The following DNAJA1 variants were observed in gnomAD, a reference collection of about 807,000 sequenced individuals.
DNAJA1 encodes the protein dnaJ homolog subfamily A member 1.
In DNAJA1, 26 loss-of-function variants were observed where a neutral mutation model predicts 47.6. That is an observed-to-expected ratio of 0.55 (90% CI 0.40 to 0.76). The LOEUF is 0.76. Ranked by LOEUF, DNAJA1 falls within the 30% of genes least tolerant of loss-of-function variation. The pLI, the probability that DNAJA1 is intolerant of heterozygous loss-of-function variation, is 0.00. For missense variants in DNAJA1, 315 were observed against 485.0 expected (o/e 0.65, Z 3.29); for synonymous variants, 165 against 158.4 (o/e 1.04, Z -0.31).
At chr9:33,031,645 G>A (rs1187256262) in intron 5 of DNAJA1, among the ~76,000 whole-genome samples, 1 of 151,912 alleles carries the variant, frequency 6.6e-6, no homozygotes, top group Non-Finnish European at 1.5e-5. Context: ...ATGTTAGGCT[G>A]GTCTCAAACT....
intron 3 of DNAJA1, among the ~76,000 whole-genome samples, chr9:33,027,356 T>C (rs933387589): frequency 1.9e-4 from 29 of 151,946 alleles, no homozygotes; most frequent in African/African-American, 5.8e-4. Flanking sequence ...GGTTTCACCA[T>C]GTTGGTCACG....
chr9:33,028,428 A>G (rs1406534954), intron 3 of DNAJA1, among the ~76,000 whole-genome samples: 1 of 152,252 alleles, frequency 6.6e-6, no homozygotes, highest in Non-Finnish European at 1.5e-5. Flanking sequence ...GAGCAGAACC[A>G]GTTTTAGAAT....
At chr9:33,035,305 T>C (rs1309124633) in intron 6 of DNAJA1, among the ~76,000 whole-genome samples, 1 of 151,722 alleles carries the variant, frequency 6.6e-6, no homozygotes, top group African/African-American at 2.4e-5. Context: ...GAGGTCGCGG[T>C]GAGTTGAGAT....
At chr9:33,030,356 G>C in intron 4 of DNAJA1, 84 bp from the exon 5 acceptor site, 1 of 1,297,456 alleles carries the variant, frequency 7.7e-7, no homozygotes, top group South Asian at 1.4e-5. Flanking sequence ...TAAAAGTATA[G>C]CATTTAGGAA....
intron 6 of DNAJA1, among the ~76,000 whole-genome samples, chr9:33,035,478 A>AT (rs1003318471): frequency 7.4e-4 from 112 of 151,904 alleles, no homozygotes; most frequent in East Asian, 2.9e-3. Flanking sequence ...TTATTTATTT[A>AT]TTTTTTTTGA....
chr9:33,025,910 G>A (rs1336763538), intron 1 of DNAJA1, among the ~76,000 whole-genome samples: 1 of 152,330 alleles, frequency 6.6e-6, no homozygotes, highest in African/African-American at 2.4e-5. Flanking sequence ...CCAAGTGCAA[G>A]GGGAAACCTG....
intron 8 of DNAJA1, 100 bp downstream of exon 8, chr9:33,037,215 T>A: frequency 1.1e-6 from 1 of 931,812 alleles, no homozygotes; most frequent in Non-Finnish European, 1.6e-6. Context: ...CTCATGCCTG[T>A]AATCCCCGCA....
intron 5 of DNAJA1, among the ~76,000 whole-genome samples, chr9:33,031,558 GGTAGCTGGGACTACAGGT>G (rs1317509329): frequency 6.6e-6 from 1 of 151,730 alleles, no homozygotes; most frequent in Non-Finnish European, 1.5e-5. Context: ...CAGCTTCCCA[GGTAGCTGGGACTACAGGT>G]GTGCACCACC....
intron 5 of DNAJA1, among the ~76,000 whole-genome samples, chr9:33,031,378 T>A (rs1035214204): frequency 4.6e-5 from 7 of 152,312 alleles, no homozygotes; most frequent in African/African-American, 1.7e-4. Flanking sequence ...ATTACAGGCA[T>A]GAGCTACCGC....
chr9:33,026,398 AT>A (rs1194733275), intron 1 of DNAJA1, 76 bp from the exon 2 acceptor site: 2 of 1,499,040 alleles, frequency 1.3e-6, no homozygotes, highest in Non-Finnish European at 1.8e-6. Flanking sequence ...TTGCAAAGAG[AT>A]TGCTCGGCCT....
At chr9:33,027,013 G>A in intron 3 of DNAJA1, 23 bp downstream of exon 3, 1 of 1,613,370 alleles carries the variant, frequency 6.2e-7, no homozygotes, top group Non-Finnish European at 8.5e-7. Context: ...TAGTCTTTGT[G>A]CAGCTAACTA....
intron 6 of DNAJA1, among the ~76,000 whole-genome samples, chr9:33,035,349 C>T (rs537537430): frequency 6.6e-6 from 1 of 151,708 alleles, no homozygotes; most frequent in South Asian, 2.1e-4. Flanking sequence ...GCAAAAAGAG[C>T]AAAACTTGGT....
chr9:33,032,317 T>TAC (rs1343148564), intron 5 of DNAJA1, among the ~76,000 whole-genome samples: 1 of 152,252 alleles, frequency 6.6e-6, no homozygotes, highest in African/African-American at 2.4e-5. Context: ...AATCTGTGTT[T>TAC]ACCCCTTAGT....
Position 33,034,325 on chromosome 9 carries a change from T to C in DNAJA1, c.753T>C (p.Phe251=). ...IVLDQKDHAV[F]TRRGEDLFMC... ...TAGATCAGAAGGACCATGCTGTTTT[T>C]ACTCGGTAAAGACTTTTATCAACCA... Residue 251 remains phenylalanine, a synonymous_variant, in exon 6 of 9, where the codon TTT becomes TTC. Coordinates refer to ENST00000330899, the MANE Select transcript of DNAJA1 (RefSeq NM_001539.4). 3.7e-6 allele frequency: 6 copies of C among 1,605,600 alleles called. No homozygotes were observed. The highest frequency in any genetic ancestry group is 1.1e-5 in the South Asian group (1 of 88,598).
chr9:33,035,668 C>T (rs1839022894), intron 6 of DNAJA1, among the ~76,000 whole-genome samples: 1 of 151,774 alleles, frequency 6.6e-6, no homozygotes, highest in African/African-American at 2.4e-5. Context: ...CGGGTTTCAC[C>T]ATGTTGGCCA....
At chr9:33,035,523 GCGATGGTGAGATC>G (rs1289078850) in intron 6 of DNAJA1, among the ~76,000 whole-genome samples, 9 of 152,044 alleles carry the variant, frequency 5.9e-5, no homozygotes, top group African/African-American at 2.2e-4. Context: ...AGGCTGGATT[GCGATGGTGAGATC>G]TTGGCTCACT....
rs762050768 is a variant in DNAJA1, at chr9:33,026,609, G to A, written c.125G>A (p.Gly42Glu). 2 of 1,603,368 alleles carry A rather than the reference G, an allele frequency of 1.2e-6. No individual in the cohort carries two copies. The highest frequency in any genetic ancestry group is 1.1e-5 in the South Asian group (1 of 88,400). ...CATCCTGATAAGAACCCAAATGAAGGAGAGAAGGTGAATAGTATCTACTCT... is the reference window on the plus strand; with the variant it reads ...CATCCTGATAAGAACCCAAATGAAGAAGAGAAGGTGAATAGTATCTACTCT... ...KYHPDKNPNE[G>E]EKFKQISQAY... The change falls in exon 2 of 9, where the codon GGA (glycine) becomes GAA (glutamate). Residue 42 changes from glycine (G) to glutamate (E), a missense_variant. Physicochemically the swap from Gly to Glu is moderately conservative, Grantham distance 98. Coordinates refer to ENST00000330899, the MANE Select transcript of DNAJA1 (RefSeq NM_001539.4).
At chr9:33,033,181 G>A (rs1412564447) in intron 5 of DNAJA1, among the ~76,000 whole-genome samples, 2 of 148,452 alleles carry the variant, frequency 1.3e-5, no homozygotes, top group African/African-American at 2.5e-5. Context: ...AAAAAAAAAA[G>A]GCGTGTTTTT....
chr9:33,031,639 T>C (rs1838963265), intron 5 of DNAJA1, among the ~76,000 whole-genome samples: 1 of 152,146 alleles, frequency 6.6e-6, no homozygotes, highest in Middle Eastern at 3.4e-3. Flanking sequence ...TTCACCATGT[T>C]AGGCTGGTCT....
Sources: allele counts gnomAD v4.1 joint callset (sites outside exome capture counted in the v4.1 genomes callset), GRCh38; gene constraint gnomAD v4.1.1; transcripts MANE v1.5; gene names NCBI Gene and HGNC (gene_info 2026-07-23, HGNC 2026-07-21).